Variants in ZFR2 observed in about 807,000 individuals in gnomAD.
ZFR2 encodes the protein zinc finger RNA-binding protein 2.
ZFR2 carries 104 observed loss-of-function variants against 105.7 expected under a neutral mutation model. The observed-to-expected ratio is 0.98, with a 90% CI of 0.84 to 1.16. The LOEUF (loss-of-function observed/expected upper bound fraction) is 1.16, where lower values mean the gene tolerates loss of function less well. Among genes scored for constraint, ZFR2 ranks in the 50% most tolerant of loss-of-function variants. The pLI is 0.00. For missense variants in ZFR2, 1,425 were observed against 1,355.5 expected (o/e 1.05, Z -0.80); for synonymous variants, 634 against 597.7 (o/e 1.06, Z -0.89).
chr19:3,826,582 C>T (rs146742464), intron 6 of ZFR2, among the ~76,000 whole-genome samples: 66 of 152,040 alleles, frequency 4.3e-4, no homozygotes, highest in Non-Finnish European at 5.7e-4. Context: ...ATTACAGGCA[C>T]GCACCCACCA....
chr19:3,852,024 G>A (rs984127636), intron 1 of ZFR2: 3 of 228,386 alleles, frequency 1.3e-5, no homozygotes, highest in Admixed American at 1.0e-4. Flanking sequence ...TTGTGATTCT[G>A]CAGGCGGGGA....
chr19:3,818,950 CA>C, intron 12 of ZFR2, 94 bp downstream of exon 12: 1 of 1,450,608 alleles, frequency 6.9e-7, no homozygotes, highest in Non-Finnish European at 9.2e-7. Context: ...GCTCCAGGCC[CA>C]TCAGAGCTAG....
Position 3,854,389 on chromosome 19 carries a change from TAA to T in ZFR2, c.53+14574_53+14575del, listed in dbSNP as rs35877592. Among the ~76,000 whole-genome samples the T allele has an allele frequency of 1.7e-3, 260 of 150,978 alleles. 2 individuals carry two copies. Among genetic ancestry groups the T allele is most frequent in the African/African-American group, 6.1e-3 (249 of 41,106 alleles). On this transcript the variant is annotated intron_variant, in intron 1 of 18. Transcript: ENST00000262961. ...GGCTGGGTGACAGAGCGAGACTGTCTAAAAAAAAAGTCTTGTTCTTTCTAGGC... is the reference window on the plus strand; with the variant it reads ...GGCTGGGTGACAGAGCGAGACTGTCTAAAAAAAGTCTTGTTCTTTCTAGGC...
rs894691711 is a variant in ZFR2, at chr19:3,834,625, G to A, written c.264+148C>T. On this transcript the variant is annotated intron_variant, in intron 2 of 18. Coordinates refer to ENST00000262961, the MANE Select transcript of ZFR2 (RefSeq NM_015174.2). The surrounding 1 kb of genome is among the most constrained non-coding windows in gnomAD (Gnocchi z 5.3). ...TCTGCCCTGATTTCTCCCCACCACG[G>A]GTACGCAATGCCAGCAGAAGGGTCC... is the stretch of plus-strand genomic sequence containing the variant. 3.5e-6 allele frequency: 3 copies of A among 859,502 alleles called. No homozygotes were observed. Among genetic ancestry groups the A allele is most frequent in the Non-Finnish European group, 5.5e-6 (3 of 548,302 alleles). 53.2% of individuals were successfully genotyped at this position (859,502 alleles called of 1,614,324 possible).
chr19:3,838,064 G>A lies in ZFR2; in HGVS notation c.54-3081C>T, dbSNP rs188708286. Reference sequence around the variant, plus strand: ...ACGATGAACACCATGACCGTGACACGTGATGAACACCATGACCGTGACACG... The same window carrying A: ...ACGATGAACACCATGACCGTGACACATGATGAACACCATGACCGTGACACG... On this transcript the variant is annotated intron_variant, in intron 1 of 18. Transcript: ENST00000262961. The surrounding 1 kb of genome is among the most constrained non-coding windows in gnomAD (Gnocchi z 4.9). Among the ~76,000 whole-genome samples the A allele has an allele frequency of 9.1e-4, 127 of 139,660 alleles. 1 individual carries two copies. Among genetic ancestry groups the A allele is most frequent in the Admixed American group, 2.9e-3 (40 of 13,978 alleles). 91.6% of individuals were successfully genotyped at this position (139,660 alleles called of 152,430 possible).
At chr19:3,843,418 T>G (rs2038153819) in intron 1 of ZFR2, among the ~76,000 whole-genome samples, 1 of 151,014 alleles carries the variant, frequency 6.6e-6, no homozygotes, top group African/African-American at 2.4e-5. Context: ...TTGCAGTGAG[T>G]TGAGATCGCG....
intron 1 of ZFR2, among the ~76,000 whole-genome samples, chr19:3,844,019 G>GGGGA (rs1555757855): frequency 1.3e-4 from 3 of 22,372 alleles, no homozygotes; most frequent in Non-Finnish European, 2.5e-4. Flanking sequence ...GATGTGGGGG[G>GGGGA]GGGGGTGCCA....
Position 3,823,434 on chromosome 19 carries a change from T to C in ZFR2, c.1214-31A>G. 6.4e-7 allele frequency: 1 copy of C among 1,556,956 alleles called. No homozygotes were observed. The highest frequency in any genetic ancestry group is 8.7e-7 in the Non-Finnish European group (1 of 1,152,522). ...GGGAAAAACCATGTCACTTATACCC[T>C]GTTCCAGGAGAAAGCACTGCAGCTG... On this transcript the variant is annotated intron_variant, in intron 7 of 18. Coordinates refer to ENST00000262961, the MANE Select transcript of ZFR2 (RefSeq NM_015174.2). This position sits in a 1 kb window ranked among gnomAD's most constrained non-coding sequence, Gnocchi z 5.4.
At chr19:3,809,343 C>T (rs981872095) in intron 16 of ZFR2, among the ~76,000 whole-genome samples, 6 of 152,290 alleles carry the variant, frequency 3.9e-5, no homozygotes, top group Admixed American at 3.3e-4. Flanking sequence ...TTTCCCCGGC[C>T]GGTCCACAGT....
chr19:3,834,971 C>A lies in ZFR2; in HGVS notation c.66G>T (p.Pro22=). The A allele has an allele frequency of 6.2e-7, 1 of 1,610,132 alleles. No homozygotes were observed. Among genetic ancestry groups the A allele is most frequent in the Non-Finnish European group, 8.5e-7 (1 of 1,178,786 alleles). Residue 22 remains proline (P), a synonymous_variant, in exon 2 of 19, where the codon CCG becomes CCT. Coordinates refer to ENST00000262961, the MANE Select transcript of ZFR2 (RefSeq NM_015174.2). The surrounding 1 kb of genome is among the most constrained non-coding windows in gnomAD (Gnocchi z 5.3). ...CCCCCACAGTGGGCAGGGGAAGGGT[C>A]GGAGGCTGGGCGCTAGAACCACAAA... ...GGGPQYSAQP[P]TLPLPTVGAS...
Position 3,805,892 on chromosome 19 carries a change from C to G in ZFR2, c.*57G>C, listed in dbSNP as rs1406897186. On this transcript the variant is annotated 3_prime_UTR_variant, in exon 19 of 19. Transcript: ENST00000262961. Reference sequence around the variant, plus strand: ...GGGATGAAGCAGCCATTGGTCGGCGCGCACACGTCCAGGAGTGCAGGGATG... The same window carrying G: ...GGGATGAAGCAGCCATTGGTCGGCGGGCACACGTCCAGGAGTGCAGGGATG... 2 of 1,441,130 alleles carry G rather than the reference C, an allele frequency of 1.4e-6. No individual in the cohort carries two copies. The highest frequency in any genetic ancestry group is 2.7e-5 in the South Asian group (2 of 73,136). 89.3% of individuals were successfully genotyped at this position (1,441,130 alleles called of 1,614,324 possible). A position where few individuals can be genotyped will look rare whatever the true frequency, so the allele number is the denominator to read the frequency against.
chr19:3,845,925 T>A (rs2038180323), intron 1 of ZFR2, among the ~76,000 whole-genome samples: 1 of 152,066 alleles, frequency 6.6e-6, no homozygotes, highest in Non-Finnish European at 1.5e-5. Context: ...ATTCAGCCCC[T>A]GATGGCTGCT....
Position 3,831,443 on chromosome 19 carries a change from C to A in ZFR2, c.712G>T (p.Ala238Ser), listed in dbSNP as rs561933629. The stretch of plus-strand genomic sequence containing the variant: ...GGGCTGCTTCCTGAGCCTGCAGGCG[C>A]GGGCGGCGGGGGCAGCTGCTGCGGG... The part of the protein sequence containing the change: ...GPPQQLPPPP[A>S]PAGSGSSPRA... The change falls in exon 5 of 19, where the codon GCG (alanine) becomes TCG (serine). Residue 238 changes from alanine to serine, a missense_variant. Coordinates refer to ENST00000262961, the MANE Select transcript of ZFR2 (RefSeq NM_015174.2). 1,173 of 1,550,832 alleles carry A rather than the reference C, an allele frequency of 7.6e-4. 3 individuals are homozygous for A. Among genetic ancestry groups the A allele is most frequent in the African/African-American group, 6.5e-3 (478 of 73,240 alleles).
Position 3,833,795 on chromosome 19 carries a change from G to T in ZFR2, c.265-17C>A. On this transcript the variant is annotated splice_polypyrimidine_tract_variant and intron_variant, in intron 2 of 18. Transcript: ENST00000262961. ...GTAACTGTCCTATGTGGGGGTTTCG[G>T]CAGGAGAGAGACAGAGAACGGAGGA... 6.4e-7 allele frequency: 1 copy of T among 1,553,088 alleles called. No individual in the cohort carries two copies. The highest frequency in any genetic ancestry group is 8.7e-7 in the Non-Finnish European group (1 of 1,146,326).
intron 1 of ZFR2, among the ~76,000 whole-genome samples, chr19:3,845,053 G>A (rs974743909): frequency 2.0e-5 from 3 of 152,158 alleles, no homozygotes; most frequent in African/African-American, 7.2e-5. Flanking sequence ...CCTAGATCCA[G>A]GTGTCAGCAG....
chr19:3,852,336 G>A (rs1162051539), intron 1 of ZFR2: 23 of 632,836 alleles, frequency 3.6e-5, no homozygotes, highest in Non-Finnish European at 5.8e-5. Flanking sequence ...GGCCTCAGCT[G>A]GGTGGCTCTC....
At chr19:3,863,988 C>T (rs914018543) in intron 1 of ZFR2, among the ~76,000 whole-genome samples, 22 of 152,146 alleles carry the variant, frequency 1.4e-4, no homozygotes, top group African/African-American at 4.6e-4. Context: ...TAACCAGCAA[C>T]GAGCATCCTG....
chr19:3,852,917 G>A (rs376829467), intron 1 of ZFR2, among the ~76,000 whole-genome samples: 3 of 152,210 alleles, frequency 2.0e-5, no homozygotes, highest in South Asian at 4.1e-4. Flanking sequence ...GGCCAGGGAC[G>A]CTGTTCAGCA....
chr19:3,846,656 C>T (rs1309309285), intron 1 of ZFR2, among the ~76,000 whole-genome samples: 1 of 152,148 alleles, frequency 6.6e-6, no homozygotes, highest in Admixed American at 6.6e-5. Flanking sequence ...CACCTTTTTC[C>T]CATTTTCCTT....
Sources: allele counts gnomAD v4.1 joint callset (sites outside exome capture counted in the v4.1 genomes callset), GRCh38; gene constraint gnomAD v4.1.1; non-coding constraint Gnocchi (gnomAD v3.1); transcripts MANE v1.5; gene names NCBI Gene and HGNC (gene_info 2026-07-23, HGNC 2026-07-21).